Variants in SAE1 observed in about 807,000 individuals in gnomAD.
SAE1 encodes SUMO-activating enzyme subunit 1.
In SAE1, 11 loss-of-function variants were observed where a neutral mutation model predicts 40.6. The observed-to-expected ratio is 0.27, with a 90% CI of 0.17 to 0.45. The LOEUF is 0.45. Ranked by LOEUF, SAE1 falls within the 20% of genes least tolerant of loss-of-function variation. The probability of loss-of-function intolerance (pLI) is 1.00; values close to 1 mark genes in which losing one functional copy is unlikely to be tolerated. For missense variants in SAE1, 373 were observed against 427.3 expected, an observed-to-expected ratio of 0.87 and a Z score of 1.12; for synonymous variants, 155 against 154.3, an observed-to-expected ratio of 1.00 and a Z score of -0.03.
rs193090026 is a variant in SAE1, at chr19:47,182,464, A to T, written c.733+12541A>T. Among the ~76,000 whole-genome samples, 599 of 144,456 alleles carry T rather than the reference A, an allele frequency of 4.1e-3. 2 individuals are homozygous for T. The highest frequency in any genetic ancestry group is 6.9e-3 in the Non-Finnish European group (452 of 65,702). The allele number at this position is 144,456 out of a possible 152,430, so 94.8% of individuals were successfully genotyped here. On this transcript the variant is annotated intron_variant, in intron 6 of 8. Transcript: ENST00000270225. ...TTTGTAAGGAAAAAGAAAAAAGCGT[A>T]GTGTGTGTGTGTGTGTGTGTGTGTG...
At chr19:47,196,344 T>TTTC (rs2058615482) in intron 6 of SAE1, among the ~76,000 whole-genome samples, 1 of 119,668 alleles carries the variant, frequency 8.4e-6, no homozygotes, top group Admixed American at 8.9e-5. Flanking sequence ...TTTTTTTTTT[T>TTTC]TTTTTTTTTT....
rs770367842 is a variant in SAE1, at chr19:47,143,508, G to A, written c.113G>A (p.Arg38Gln). The stretch of plus-strand genomic sequence containing the variant: ...TTGTCTTACAGGCTGCGGGCCTCTC[G>A]GGTGCTTCTTGTCGGCTTGAAAGGA... ...LEAQKRLRAS[R>Q]VLLVGLKGLG... The change falls in exon 2 of 9, where the codon CGG becomes CAG. Residue 38 changes from arginine to glutamine, a missense_variant. By Grantham distance (43) the Arg-to-Gln change is conservative. Around this residue, in one of 3 missense-constraint regions of SAE1, gnomAD observed 351 missense variants for 390.6 expected, o/e 0.90. Coordinates refer to ENST00000270225, the MANE Select transcript of SAE1 (RefSeq NM_005500.3). 2.5e-5 allele frequency: 40 copies of A among 1,613,836 alleles called. No individual in the cohort carries two copies. Among genetic ancestry groups the A allele is most frequent in the Non-Finnish European group, 3.3e-5 (39 of 1,179,948 alleles).
intron 6 of SAE1, among the ~76,000 whole-genome samples, chr19:47,181,770 C>T (rs561067642): frequency 4.2e-4 from 60 of 141,438 alleles, no homozygotes; most frequent in Admixed American, 3.1e-3. Context: ...TGAGCCAGTG[C>T]ACCTGGCCTC....
At chr19:47,180,345 G>C (rs751735984) in intron 6 of SAE1, 1 of 442,636 alleles carries the variant, frequency 2.3e-6, no homozygotes, top group South Asian at 1.6e-5. Flanking sequence ...GTAAGGAAGT[G>C]CTCTAAGAAT....
intron 6 of SAE1, among the ~76,000 whole-genome samples, chr19:47,189,148 G>A (rs2058562999): frequency 6.6e-6 from 1 of 152,130 alleles, no homozygotes. Flanking sequence ...TAGGAAACAG[G>A]CTGTTGGATA....
chr19:47,161,925 ATGT>A, intron 5 of SAE1, among the ~76,000 whole-genome samples: 1 of 152,280 alleles, frequency 6.6e-6, no homozygotes, highest in East Asian at 1.9e-4. Flanking sequence ...ATCTGTTTAT[ATGT>A]TGTTCTAGGG....
intron 6 of SAE1, among the ~76,000 whole-genome samples, chr19:47,195,362 T>A (rs2123307002): frequency 6.6e-6 from 1 of 152,294 alleles, no homozygotes; most frequent in Non-Finnish European, 1.5e-5. Flanking sequence ...GCCTAATTAG[T>A]CTTTTGCTCC....
In SAE1 at chr19:47,155,200, C is replaced by T. The variant is rs762719604; in HGVS notation, c.614C>T (p.Thr205Met). The change falls in exon 5 of 9, where the codon ACG (threonine) becomes ATG (methionine). Residue 205 changes from threonine to methionine, a missense_variant. Thr to Met is a moderately conservative substitution (Grantham distance 81, BLOSUM62 -1). Coordinates refer to ENST00000270225, the MANE Select transcript of SAE1 (RefSeq NM_005500.3). ...GCAAAACTTGATTCTTCTGAGACAA[C>T]GATGGTCAAAAAGGTATGTGTAACG... The part of the protein sequence containing the change: ...KRAKLDSSET[T>M]MVKKKVVFCP... 4.3e-6 allele frequency: 7 copies of T among 1,612,482 alleles called. No homozygotes were observed. In the African/African-American group the frequency reaches 5.3e-5, roughly 12 times the overall value.
intron 1 of SAE1, among the ~76,000 whole-genome samples, chr19:47,137,676 A>G (rs977162801): frequency 6.7e-6 from 1 of 148,672 alleles, no homozygotes; most frequent in African/African-American, 2.5e-5. Context: ...TTGTGTGTGC[A>G]TGGCGTATGC....
In SAE1 at chr19:47,207,823, A is replaced by G. The variant is rs193186407; in HGVS notation, c.949-1336A>G. Among the ~76,000 whole-genome samples the G allele has an allele frequency of 3.9e-5, 6 of 152,070 alleles. 1 individual carries two copies. The highest frequency in any genetic ancestry group is 3.9e-4 in the Admixed American group (6 of 15,250). ...CTAATTTTTTTTATTTTTTGTAGAT[A>G]TGGGGTTTTGCCATGTTGCCCAGGC... On this transcript the variant is annotated intron_variant, in intron 8 of 8. Coordinates refer to ENST00000270225, the MANE Select transcript of SAE1 (RefSeq NM_005500.3).
At chr19:47,206,314 G>T (rs530512808) in intron 8 of SAE1, among the ~76,000 whole-genome samples, 2 of 152,272 alleles carry the variant, frequency 1.3e-5, no homozygotes, top group East Asian at 3.9e-4. Context: ...CTCATCCCCA[G>T]TACTCCTTCA....
At position 47,143,487 on chromosome 19, in the gene SAE1, C is replaced by T; in HGVS notation, c.99-7C>T. ...GTATCATCAGGTTAACAATGTTTGT[C>T]TTACAGGCTGCGGGCCTCTCGGGTG... On this transcript the variant is annotated splice_region_variant and splice_polypyrimidine_tract_variant and intron_variant, in intron 1 of 8. Transcript: ENST00000270225. 1.2e-6 allele frequency: 2 copies of T among 1,608,582 alleles called. No homozygotes were observed. Among genetic ancestry groups the T allele is most frequent in the East Asian group, 4.5e-5 (2 of 44,862 alleles).
chr19:47,144,870 T>C (rs1056591745), intron 2 of SAE1, among the ~76,000 whole-genome samples: 4 of 152,216 alleles, frequency 2.6e-5, no homozygotes, highest in Admixed American at 6.5e-5. Flanking sequence ...CTTGCTGTGA[T>C]GCCCAGACTG....
chr19:47,197,812 G>C (rs998554428), intron 7 of SAE1, among the ~76,000 whole-genome samples: 1 of 152,188 alleles, frequency 6.6e-6, no homozygotes, highest in Non-Finnish European at 1.5e-5. Context: ...TTCTAACTGC[G>C]TAACACTGCA....
At chr19:47,168,678 C>CTGCA (rs2123249697) in intron 5 of SAE1, among the ~76,000 whole-genome samples, 1 of 152,232 alleles carries the variant, frequency 6.6e-6, no homozygotes, top group South Asian at 2.1e-4. Flanking sequence ...TCTCAGCTCA[C>CTGCA]TGCAACCTCC....
chr19:47,181,801 T>A (rs1166092579), intron 6 of SAE1, among the ~76,000 whole-genome samples: 8 of 120,234 alleles, frequency 6.7e-5, no homozygotes, highest in African/African-American at 2.0e-4. Context: ...TTTTTTTTTT[T>A]AATTTTACAG....
intron 5 of SAE1, among the ~76,000 whole-genome samples, chr19:47,166,615 TA>T (rs1200211014): frequency 6.6e-6 from 1 of 152,112 alleles, no homozygotes; most frequent in Non-Finnish European, 1.5e-5. Flanking sequence ...GTTCGTTGCT[TA>T]TAGTCAGGCA....
chr19:47,173,249 G>A (rs531319273), intron 6 of SAE1, among the ~76,000 whole-genome samples: 24 of 152,166 alleles, frequency 1.6e-4, no homozygotes, highest in African/African-American at 5.8e-4. Context: ...CGCCTGCCTC[G>A]GCCTCCCAAA....
chr19:47,161,901 A>G (rs909486380), intron 5 of SAE1, among the ~76,000 whole-genome samples: 4 of 152,204 alleles, frequency 2.6e-5, no homozygotes, highest in Non-Finnish European at 5.9e-5. Context: ...GAGAAGCAAC[A>G]CGTTTGTGAG....
Sources: allele counts gnomAD v4.1 joint callset (sites outside exome capture counted in the v4.1 genomes callset), GRCh38; gene constraint gnomAD v4.1.1; regional missense constraint gnomAD v4.1.1; transcripts MANE v1.5; gene names NCBI Gene and HGNC (gene_info 2026-07-23, HGNC 2026-07-21).